The following SEMA5B variants were observed in gnomAD, a reference collection of about 807,000 sequenced individuals.
SEMA5B encodes the protein semaphorin-5B.
In SEMA5B, 66 loss-of-function variants were observed where a neutral mutation model predicts 135.0. The ratio of observed to expected loss-of-function variants is 0.49; its 90% CI spans 0.40 to 0.60. The LOEUF is 0.60. SEMA5B is among the 20% of genes least tolerant of loss of function. SEMA5B has a pLI of 0.00. For synonymous variants in SEMA5B, 690 were observed against 639.5 expected, an observed-to-expected ratio of 1.08 and a Z score of -1.19; for missense variants, 1,501 against 1,566.3, an observed-to-expected ratio of 0.96 and a Z score of 0.70.
At chr3:122,923,913 C>T (rs968351890) in intron 9 of SEMA5B, among the ~76,000 whole-genome samples, 161 bp from the exon 10 acceptor site, 1 of 152,104 alleles carries the variant, frequency 6.6e-6, no homozygotes, top group African/African-American at 2.4e-5. Context: ...ATGTGGTCCT[C>T]ACATTCTGTA....
At chr3:122,978,467 T>C (rs371809601) in intron 1 of SEMA5B, among the ~76,000 whole-genome samples, 1 of 152,240 alleles carries the variant, frequency 6.6e-6, no homozygotes. Context: ...AAGCCCATGA[T>C]GACAGAGCTA....
chr3:122,997,425 G>A (rs936489069), intron 1 of SEMA5B, among the ~76,000 whole-genome samples: 1 of 151,644 alleles, frequency 6.6e-6, no homozygotes, highest in African/African-American at 2.4e-5. Flanking sequence ...CTCCAGACCC[G>A]CCTGAGGTCA....
chr3:122,912,251 G>A lies in SEMA5B; in HGVS notation c.2817C>T (p.Ser939=). ...TGTCCTCACCTGGGGAGGGTGCGGGGCTGGTGCAGGAACGGGTGCGTTGAT... is the reference window on the plus strand; with the variant it reads ...TGTCCTCACCTGGGGAGGGTGCGGGACTGGTGCAGGAACGGGTGCGTTGAT... ...GHYQRTRSCT[S]PAPSPGEDIC... Residue 939 remains serine (S), a synonymous_variant, in exon 19 of 23, where the codon AGC becomes AGT. Coordinates refer to ENST00000357599, the MANE Select transcript of SEMA5B (RefSeq NM_001031702.4). 1.2e-6 allele frequency: 2 copies of A among 1,612,440 alleles called. No homozygotes were observed. The highest frequency in any genetic ancestry group is 1.1e-5 in the South Asian group (1 of 90,736).
At chr3:122,990,896 G>T (rs10084650) in intron 1 of SEMA5B, among the ~76,000 whole-genome samples, 35,328 of 152,062 alleles carry the variant, frequency 0.23, 7,070 homozygotes, top group African/African-American at 0.55. Context: ...AACAGCTCCC[G>T]AAGGCAGGGC....
At position 122,913,032 on chromosome 3, in the gene SEMA5B, T is replaced by G. The variant is rs1189322020; in HGVS notation, c.2536A>C (p.Ser846Arg). 2 of 1,574,034 alleles carry G rather than the reference T, an allele frequency of 1.3e-6. No homozygotes were observed. The highest frequency in any genetic ancestry group is 4.7e-5 in the East Asian group (2 of 42,716). Residue 846 changes from serine (S) to arginine (R), a missense_variant, in exon 18 of 23, where the codon AGC becomes CGC. Ser to Arg is a moderately radical substitution (Grantham distance 110, BLOSUM62 -1). Transcript: ENST00000357599. ...ALVEVLLRSG[S>R]TSPHTVSGGW... ...CCGCTCACCGTGTGCGGGGAGGTGCTCCCGCTGCGCAGGAGGACCTCCACC... is the reference window on the plus strand; with the variant it reads ...CCGCTCACCGTGTGCGGGGAGGTGCGCCCGCTGCGCAGGAGGACCTCCACC...
At position 122,922,324 on chromosome 3, in the gene SEMA5B, G is replaced by C. The variant is rs1212681321; in HGVS notation, c.1396C>G (p.Gln466Glu). Reference protein sequence around the residue: ...QPVTPEPCVTQDSVRFSHLVV... With the variant: ...QPVTPEPCVTEDSVRFSHLVV... Reference sequence around the variant, plus strand: ...AGGTGTGAGAAGCGCACGCTGTCCTGGGTGACACAGGGCTCGGGTGTCACC... The same window carrying C: ...AGGTGTGAGAAGCGCACGCTGTCCTCGGTGACACAGGGCTCGGGTGTCACC... The change falls in exon 11 of 23, where the codon CAG becomes GAG. Residue 466 changes from glutamine (Q) to glutamate (E), a missense_variant. Physicochemically the swap from Gln to Glu is conservative, Grantham distance 29 (BLOSUM62 2). Coordinates refer to ENST00000357599, the MANE Select transcript of SEMA5B (RefSeq NM_001031702.4). The C allele has an allele frequency of 1.9e-6, 3 of 1,614,014 alleles. No homozygotes were observed. The highest frequency in any genetic ancestry group is 2.5e-6 in the Non-Finnish European group (3 of 1,179,936).
At chr3:123,000,242 C>T (rs1443152379) in intron 1 of SEMA5B, among the ~76,000 whole-genome samples, 1 of 152,058 alleles carries the variant, frequency 6.6e-6, no homozygotes, top group Non-Finnish European at 1.5e-5. Context: ...AAAGGAGCAG[C>T]CCTCCCGAAG....
chr3:122,918,476 A>G (rs1938186715), intron 12 of SEMA5B, among the ~76,000 whole-genome samples: 1 of 152,232 alleles, frequency 6.6e-6, no homozygotes, highest in East Asian at 1.9e-4. Flanking sequence ...CTGTGTACCC[A>G]TGGTTGAGAA....
intron 3 of SEMA5B, among the ~76,000 whole-genome samples, chr3:122,947,646 G>A (rs937559465): frequency 1.3e-5 from 2 of 152,158 alleles, no homozygotes; most frequent in African/African-American, 4.8e-5. Flanking sequence ...CCATGCCTAG[G>A]CCTTCCCATC....
chr3:123,022,031 G>A (rs984194903), intron 1 of SEMA5B, among the ~76,000 whole-genome samples: 2 of 152,138 alleles, frequency 1.3e-5, no homozygotes. Flanking sequence ...AAAAGTCAAC[G>A]AGCCACTCCT....
intron 1 of SEMA5B, among the ~76,000 whole-genome samples, chr3:122,998,621 C>A (rs533229436): frequency 1.3e-5 from 2 of 152,296 alleles, no homozygotes; most frequent in African/African-American, 2.4e-5. Context: ...TGCTAGTCCA[C>A]CCATTTGGCT....
chr3:122,968,941 G>A (rs746154764), intron 1 of SEMA5B, among the ~76,000 whole-genome samples: 6 of 152,230 alleles, frequency 3.9e-5, no homozygotes, highest in Non-Finnish European at 7.4e-5. Context: ...CAATGCTTAC[G>A]TCTGACTCAA....
chr3:122,982,372 G>C (rs1329895400), intron 1 of SEMA5B, among the ~76,000 whole-genome samples: 1 of 152,108 alleles, frequency 6.6e-6, no homozygotes, highest in Non-Finnish European at 1.5e-5. Flanking sequence ...TTGATCCCTG[G>C]GGAGCTCACT....
At chr3:122,975,900 C>G in intron 1 of SEMA5B, 1 of 1,459,012 alleles carries the variant, frequency 6.9e-7, no homozygotes, top group African/African-American at 1.4e-5. Flanking sequence ...CCATCTGCCT[C>G]AGACTCCCTC....
intron 5 of SEMA5B, among the ~76,000 whole-genome samples, chr3:122,935,682 C>CTTTTTTTTTTTTTTTTT (rs1402707939): frequency 1.4e-5 from 1 of 70,740 alleles, no homozygotes; most frequent in Admixed American, 1.8e-4. Context: ...CTTTTTCTTT[C>CTTTTTTTTTTTTTTTTT]TTTCTTTTTT....
chr3:122,911,994 T>G lies in SEMA5B; in HGVS notation c.2972A>C (p.Glu991Ala). ...GAQSRSRHCEELLPGSSACAG... is the reference protein window; with the variant it reads ...GAQSRSRHCEALLPGSSACAG... ...ACAGGCGCTGGACCCTGGGAGGAGCTCCTCACAGTGCCGGCTTCGGCTCTG... is the reference window on the plus strand; with the variant it reads ...ACAGGCGCTGGACCCTGGGAGGAGCGCCTCACAGTGCCGGCTTCGGCTCTG... The change falls in exon 20 of 23, where the codon GAG (glutamate) becomes GCG (alanine). Residue 991 changes from glutamate (E) to alanine (A), a missense_variant. This residue lies in a region of SEMA5B where 927 missense variants were observed against 881.6 expected (regional missense o/e 1.05). Coordinates refer to ENST00000357599, the MANE Select transcript of SEMA5B (RefSeq NM_001031702.4). 1 of 1,613,498 alleles carries G rather than the reference T, an allele frequency of 6.2e-7. No individual in the cohort carries two copies. Among genetic ancestry groups the G allele is most frequent in the Non-Finnish European group, 8.5e-7 (1 of 1,179,752 alleles).
chr3:122,928,889 G>T, intron 6 of SEMA5B, 107 bp downstream of exon 6: 1 of 1,147,786 alleles, frequency 8.7e-7, no homozygotes, highest in Non-Finnish European at 1.3e-6. Flanking sequence ...ATCCTGGCCA[G>T]GCCTCTCTAG....
intron 1 of SEMA5B, among the ~76,000 whole-genome samples, chr3:122,969,624 C>T (rs894341894): frequency 3.3e-5 from 5 of 152,186 alleles, no homozygotes; most frequent in African/African-American, 1.2e-4. Context: ...CATCACAGCC[C>T]CTAGGTCACT....
chr3:122,983,723 A>C (rs1319386795), intron 1 of SEMA5B, among the ~76,000 whole-genome samples: 1 of 73,000 alleles, frequency 1.4e-5, no homozygotes, highest in Non-Finnish European at 2.5e-5. Context: ...TCTCAAAAAA[A>C]AAAAAAAAAA....
Sources: allele counts gnomAD v4.1 joint callset (sites outside exome capture counted in the v4.1 genomes callset), GRCh38; gene constraint gnomAD v4.1.1; regional missense constraint gnomAD v4.1.1; transcripts MANE v1.5; gene names NCBI Gene and HGNC (gene_info 2026-07-23, HGNC 2026-07-21).